Variants in KREMEN1 observed in about 807,000 individuals in gnomAD.
KREMEN1 encodes the protein kringle containing transmembrane protein 1.
KREMEN1 carries 30 observed loss-of-function variants against 46.5 expected under a neutral mutation model. The ratio of observed to expected loss-of-function variants is 0.65; its 90% CI spans 0.48 to 0.88. KREMEN1 has a LOEUF of 0.88. Ranked by LOEUF, KREMEN1 falls within the 40% of genes least tolerant of loss-of-function variation. KREMEN1 has a pLI of 0.00. For synonymous variants in KREMEN1, 214 were observed against 230.6 expected (o/e 0.93, Z 0.65); for missense variants, 533 against 596.9 (o/e 0.89, Z 1.11).
At chr22:29,079,677 A>G (rs1451476145) in intron 1 of KREMEN1, among the ~76,000 whole-genome samples, 1 of 152,240 alleles carries the variant, frequency 6.6e-6, no homozygotes, top group Non-Finnish European at 1.5e-5. Flanking sequence ...TAGTAAAAAC[A>G]GTGTAGGCAA....
rs144475295 is a variant in KREMEN1, at chr22:29,144,720, A to G, written c.*2608A>G. The G allele has an allele frequency of 3.1e-3, 3,029 of 985,508 alleles. 74 individuals are homozygous for G. The African/African-American group carries it at 0.049, about 16-fold the overall frequency. 61.0% of individuals were successfully genotyped at this position (985,508 alleles called of 1,614,324 possible). ...GGCCCCAGGAAGAGTTCACCCGGCC[A>G]GGGGGCAGTTGTTCAGTTGCCTGGG... On this transcript the variant is annotated 3_prime_UTR_variant, in exon 9 of 9. Transcript: ENST00000400335.
rs1345452726 is a variant in KREMEN1, at chr22:29,143,087, T to C, written c.*975T>C. On this transcript the variant is annotated 3_prime_UTR_variant, in exon 9 of 9. Coordinates refer to ENST00000400335, the MANE Select transcript of KREMEN1 (RefSeq NM_001039570.3). ...ACAGCTTGAACCCAGGAGGCTGAGA[T>C]TGCAGTGAGCCGAGATCGCACCACT... 17 of 635,104 alleles carry C rather than the reference T, an allele frequency of 2.7e-5. No individual in the cohort carries two copies. The highest frequency in any genetic ancestry group is 3.3e-5 in the Non-Finnish European group (17 of 510,184). The allele number at this position is 635,104 out of a possible 1,614,324, so 39.3% of individuals were successfully genotyped here. A position where few individuals can be genotyped will look rare whatever the true frequency, so the allele number is the denominator to read the frequency against.
intron 1 of KREMEN1, among the ~76,000 whole-genome samples, chr22:29,085,244 AGAG>A (rs1327905646): frequency 2.6e-5 from 4 of 152,258 alleles, no homozygotes; most frequent in Non-Finnish European, 2.9e-5. Context: ...GGACACAAAT[AGAG>A]AAGAGAGTAT....
chr22:29,080,633 C>T (rs2037638819), intron 1 of KREMEN1, among the ~76,000 whole-genome samples: 1 of 152,222 alleles, frequency 6.6e-6, no homozygotes, highest in Non-Finnish European at 1.5e-5. Context: ...CCCTTGAGAA[C>T]AATCTTTAGT....
intron 1 of KREMEN1, among the ~76,000 whole-genome samples, chr22:29,081,596 G>A (rs1286222181): frequency 6.6e-6 from 1 of 152,112 alleles, no homozygotes; most frequent in Non-Finnish European, 1.5e-5. Flanking sequence ...GCCACTATTT[G>A]CTCTTATTCT....
intron 3 of KREMEN1, among the ~76,000 whole-genome samples, chr22:29,119,145 C>G (rs1318658823): frequency 1.3e-5 from 2 of 152,048 alleles, no homozygotes; most frequent in Non-Finnish European, 2.9e-5. Context: ...CCTAGGAGTT[C>G]AAAACCAGCC....
intron 5 of KREMEN1, among the ~76,000 whole-genome samples, chr22:29,130,168 T>C (rs185678966): frequency 3.9e-5 from 6 of 152,248 alleles, no homozygotes; most frequent in Non-Finnish European, 7.3e-5. Context: ...GGTACTGTTA[T>C]GCTTATTTTA....
rs201767234 is a variant in KREMEN1 at position 29,131,718 on chromosome 22, GTATATATA to G, written c.632-5622_632-5615del. 8.4e-3 allele frequency among the ~76,000 whole-genome samples: 1,048 copies of G among 125,264 alleles called. 21 individuals carry two copies. Among genetic ancestry groups the G allele is most frequent in the African/African-American group, 0.038 (1,003 of 26,718 alleles). The allele number at this position is 125,264 out of a possible 152,430, so 82.2% of individuals were successfully genotyped here. The stretch of plus-strand genomic sequence containing the variant: ...TATATGTGTATATATATGTATATAT[GTATATATA>G]TGTATATATGTGTATATATATGTAT... On this transcript the variant is annotated intron_variant, in intron 5 of 8. Coordinates refer to ENST00000400335, the MANE Select transcript of KREMEN1 (RefSeq NM_001039570.3).
chr22:29,163,324 G>A (rs1729153367), intron 9 of KREMEN1, among the ~76,000 whole-genome samples: 1 of 152,234 alleles, frequency 6.6e-6, no homozygotes, highest in East Asian at 1.9e-4. Context: ...ATGCGAAACT[G>A]TGAGTCAATT....
At chr22:29,161,984 G>A (rs150957430) in intron 9 of KREMEN1, among the ~76,000 whole-genome samples, 1 of 152,066 alleles carries the variant, frequency 6.6e-6, no homozygotes, top group African/African-American at 2.4e-5. Context: ...CAGGTATGGT[G>A]GTGCATGTCT....
At chr22:29,094,516 T>C in intron 2 of KREMEN1, 96 bp downstream of exon 2, 3 of 1,052,622 alleles carry the variant, frequency 2.9e-6, no homozygotes, top group Non-Finnish European at 4.1e-6. Context: ...GGGGAAGTCT[T>C]TTGACCAACT....
At chr22:29,135,569 G>C (rs2038643472) in intron 5 of KREMEN1, among the ~76,000 whole-genome samples, 2 of 152,178 alleles carry the variant, frequency 1.3e-5, no homozygotes, top group Non-Finnish European at 2.9e-5. Flanking sequence ...CACTCAGGGG[G>C]ACTGTGGTCT....
At chr22:29,127,217 A>G (rs2145824855) in intron 5 of KREMEN1, among the ~76,000 whole-genome samples, 1 of 152,300 alleles carries the variant, frequency 6.6e-6, no homozygotes. Flanking sequence ...CACAGAAGAC[A>G]GCCACATGAC....
intron 5 of KREMEN1, among the ~76,000 whole-genome samples, chr22:29,136,365 A>AG (rs1488751310): frequency 1.3e-5 from 2 of 151,742 alleles, no homozygotes; most frequent in African/African-American, 4.8e-5. Flanking sequence ...CGAGGTCAGG[A>AG]GATCGAGACC....
intron 1 of KREMEN1, among the ~76,000 whole-genome samples, chr22:29,074,898 G>A (rs1268210536): frequency 2.0e-5 from 3 of 152,264 alleles, no homozygotes; most frequent in East Asian, 1.9e-4. Flanking sequence ...TAACATACCC[G>A]CATATAGGAG....
At chr22:29,126,516 T>C (rs1222368620) in intron 5 of KREMEN1, among the ~76,000 whole-genome samples, 1 of 152,002 alleles carries the variant, frequency 6.6e-6, no homozygotes, top group Non-Finnish European at 1.5e-5. Flanking sequence ...TGTGTGTCTA[T>C]GTCTCTGTGT....
intron 3 of KREMEN1, among the ~76,000 whole-genome samples, chr22:29,117,423 C>T (rs543428162): frequency 3.3e-5 from 5 of 152,074 alleles, no homozygotes; most frequent in South Asian, 2.1e-4. Context: ...AAAAATTAGC[C>T]GGGCGTGGTG....
chr22:29,126,740 A>G lies in KREMEN1; in HGVS notation c.631+1324A>G, dbSNP rs114658606. On this transcript the variant is annotated intron_variant, in intron 5 of 8. Coordinates refer to ENST00000400335, the MANE Select transcript of KREMEN1 (RefSeq NM_001039570.3). ...TTTTACATGTTATAGCTTAGATATT[A>G]TCTAAAGTGTGTTTGTATTTGGGGT... 8.9e-3 allele frequency among the ~76,000 whole-genome samples: 1,363 copies of G among 152,324 alleles called. 13 individuals are homozygous for G. Among genetic ancestry groups the G allele is most frequent in the African/African-American group, 0.031 (1,300 of 41,564 alleles).
At chr22:29,132,565 A>T (rs1264112947) in intron 5 of KREMEN1, among the ~76,000 whole-genome samples, 1 of 152,152 alleles carries the variant, frequency 6.6e-6, no homozygotes, top group Non-Finnish European at 1.5e-5. Context: ...TTTAAATGTG[A>T]TCCATTCTAG....
Sources: gnomAD v4.1 joint callset for allele counts (sites outside exome capture counted in the v4.1 genomes callset) on GRCh38, gnomAD v4.1.1 for gene constraint, MANE v1.5 for transcripts, NCBI Gene and HGNC (gene_info 2026-07-23, HGNC 2026-07-21) for gene names.